The following TAF4 variants were observed in gnomAD, a reference collection of about 807,000 sequenced individuals.
TAF4 encodes the protein TATA-box binding protein associated factor 4.
Under a neutral mutation model 90.3 loss-of-function variants are expected in TAF4, and 9 were observed. The observed-to-expected ratio is 0.10, with a 90% confidence interval of 0.06 to 0.17. The LOEUF is 0.17. Among genes scored for constraint, TAF4 ranks in the 10% least tolerant of loss-of-function variants. TAF4 has a pLI of 1.00. For missense variants in TAF4, 1,351 were observed against 1,370.7 expected, an observed-to-expected ratio of 0.99 and a Z score of 0.23; for synonymous variants, 818 against 638.9, an observed-to-expected ratio of 1.28 and a Z score of -4.23.
chr20:62,056,727 A>G (rs535375784), intron 1 of TAF4, among the ~76,000 whole-genome samples: 1 of 152,332 alleles, frequency 6.6e-6, no homozygotes, highest in East Asian at 1.9e-4. Context: ...CCGAAATTTT[A>G]GCAGTCTGGG....
intron 1 of TAF4, among the ~76,000 whole-genome samples, chr20:62,053,001 A>G (rs1016725434): frequency 6.6e-6 from 1 of 152,088 alleles, no homozygotes; most frequent in Non-Finnish European, 1.5e-5. Flanking sequence ...CCAGGTCTCC[A>G]GGGCTGGAAC....
At chr20:62,059,476 G>C (rs186578261) in intron 1 of TAF4, among the ~76,000 whole-genome samples, 38 of 152,118 alleles carry the variant, frequency 2.5e-4, no homozygotes, top group Non-Finnish European at 1.2e-4. Context: ...GCAAGAATTG[G>C]AAAGAACAGC....
In TAF4 at chr20:61,998,964, GC is replaced by G. The variant is rs751423214; in HGVS notation, c.2913+18del. The G allele has an allele frequency of 2.5e-6, 4 of 1,611,332 alleles. No homozygotes were observed. In the African/African-American group the frequency reaches 5.3e-5, roughly 22 times the overall value. ...AGACGGAGGTGCCCAGACGGCAGCA[GC>G]AGACACCCAGCACTCGCCTTTGCTG... On this transcript the variant is annotated intron_variant, in intron 12 of 14. Transcript: ENST00000252996.
At chr20:62,050,781 CT>C (rs1291713600) in intron 1 of TAF4, among the ~76,000 whole-genome samples, 2 of 152,106 alleles carry the variant, frequency 1.3e-5, no homozygotes, top group African/African-American at 4.8e-5. Flanking sequence ...CAGAAAGGAC[CT>C]CTGCCGAGGA....
intron 1 of TAF4, among the ~76,000 whole-genome samples, chr20:62,024,519 C>A (rs553771904): frequency 6.6e-6 from 1 of 152,188 alleles, no homozygotes; most frequent in Non-Finnish European, 1.5e-5. Flanking sequence ...TAGAAAGCAT[C>A]CATCTAATAA....
chr20:62,020,823 T>C (rs958230475), intron 1 of TAF4, among the ~76,000 whole-genome samples: 2 of 148,736 alleles, frequency 1.3e-5, no homozygotes, highest in African/African-American at 5.0e-5. Context: ...AAAAAGAGAG[T>C]GGAAACTTGG....
chr20:62,031,183 T>C (rs2055902243), intron 1 of TAF4, among the ~76,000 whole-genome samples: 1 of 152,158 alleles, frequency 6.6e-6, no homozygotes, highest in African/African-American at 2.4e-5. Context: ...CCCACAAGCC[T>C]CATGTGACTT....
At chr20:62,061,331 C>T (rs2056087616) in intron 1 of TAF4, among the ~76,000 whole-genome samples, 1 of 152,246 alleles carries the variant, frequency 6.6e-6, no homozygotes, top group Non-Finnish European at 1.5e-5. Context: ...CACAGACACA[C>T]ATTCACCTGG....
chr20:62,021,889 G>C (rs975221896), intron 1 of TAF4, among the ~76,000 whole-genome samples: 2 of 152,172 alleles, frequency 1.3e-5, no homozygotes, highest in African/African-American at 4.8e-5. Context: ...CGACAGAGAG[G>C]CACTGTGTGC....
intron 14 of TAF4, among the ~76,000 whole-genome samples, chr20:61,983,742 G>A (rs1269244431): frequency 6.6e-6 from 1 of 152,144 alleles, no homozygotes; most frequent in Non-Finnish European, 1.5e-5. Context: ...ATCAATAAAG[G>A]TAAATGGGCT....
At position 62,032,312 on chromosome 20, in the gene TAF4, G is replaced by A. The variant is rs371220909; in HGVS notation, c.1361-17605C>T. On this transcript the variant is annotated intron_variant, in intron 1 of 14. Coordinates refer to ENST00000252996, the MANE Select transcript of TAF4 (RefSeq NM_003185.4). Reference sequence around the variant, plus strand: ...CATCTCAGCAGTTTCTGTGTCCCCTGATGGGCCAGGACACAGGACTTCTCT... The same window carrying A: ...CATCTCAGCAGTTTCTGTGTCCCCTAATGGGCCAGGACACAGGACTTCTCT... 2.6e-5 allele frequency among the ~76,000 whole-genome samples: 4 copies of A among 152,334 alleles called. No individual in the cohort carries two copies. In the South Asian group the frequency reaches 8.3e-4, roughly 32 times the overall value.
intron 1 of TAF4, among the ~76,000 whole-genome samples, chr20:62,044,218 T>C (rs544165791): frequency 2.2e-4 from 34 of 152,370 alleles, no homozygotes; most frequent in Admixed American, 1.5e-3. Flanking sequence ...CTGAGTGTAC[T>C]ACACATAAAA....
intron 1 of TAF4, among the ~76,000 whole-genome samples, chr20:62,028,645 A>G (rs1260393246): frequency 1.3e-5 from 2 of 152,210 alleles, no homozygotes; most frequent in Non-Finnish European, 2.9e-5. Flanking sequence ...GTGTCTGTCA[A>G]GCCACAGCCT....
At position 62,007,539 on chromosome 20, in the gene TAF4, G is replaced by C. The variant is rs951303511; in HGVS notation, c.1974+8C>G. 6.2e-7 allele frequency: 1 copy of C among 1,613,558 alleles called. No homozygotes were observed. ...ACTGCTCGCAGGCACCGGGGCCTTT[G>C]AAATTACCTTCAGGAAAGGCACAAG... On this transcript the variant is annotated splice_region_variant and intron_variant, in intron 6 of 14. Transcript: ENST00000252996.
intron 1 of TAF4, among the ~76,000 whole-genome samples, chr20:62,060,209 CG>C (rs557926412): frequency 2.6e-5 from 4 of 152,336 alleles, no homozygotes; most frequent in African/African-American, 9.6e-5. Flanking sequence ...CCCAGGCGCC[CG>C]GGGCCTGCCT....
At chr20:62,044,668 T>C (rs923126497) in intron 1 of TAF4, among the ~76,000 whole-genome samples, 4 of 152,224 alleles carry the variant, frequency 2.6e-5, no homozygotes, top group African/African-American at 7.2e-5. Context: ...TAAGTAAATA[T>C]GTTTATGTTA....
chr20:61,983,303 A>C (rs1392599182), intron 14 of TAF4, among the ~76,000 whole-genome samples: 2 of 152,152 alleles, frequency 1.3e-5, no homozygotes, highest in African/African-American at 4.8e-5. Context: ...AAAAAAAAAA[A>C]AAAAATCAAT....
chr20:62,014,610 G>A lies in TAF4; in HGVS notation c.1458C>T (p.Thr486=). ...MQAQAHAQPQ[T]TMAPRPATPT... is the part of the protein sequence containing the mutation. Reference sequence around the variant, plus strand: ...GGGTGGCAGGGCGAGGCGCCATGGTGGTCTGAGGCTGGGCATGGGCCTGCG... The same window carrying A: ...GGGTGGCAGGGCGAGGCGCCATGGTAGTCTGAGGCTGGGCATGGGCCTGCG... The change falls in exon 2 of 15, where the codon ACC becomes ACT. Residue 486 remains threonine (T), a synonymous_variant. Coordinates refer to ENST00000252996, the MANE Select transcript of TAF4 (RefSeq NM_003185.4). 1.2e-6 allele frequency: 2 copies of A among 1,614,098 alleles called. No homozygotes were observed. The highest frequency in any genetic ancestry group is 1.7e-6 in the Non-Finnish European group (2 of 1,179,996).
At chr20:62,022,188 C>A (rs922183981) in intron 1 of TAF4, among the ~76,000 whole-genome samples, 2 of 152,160 alleles carry the variant, frequency 1.3e-5, no homozygotes, top group Non-Finnish European at 2.9e-5. Context: ...GGTGGGCCTG[C>A]GATGGTTTCT....
Sources: gnomAD v4.1 joint callset for allele counts (sites outside exome capture counted in the v4.1 genomes callset) on GRCh38, gnomAD v4.1.1 for gene constraint, MANE v1.5 for transcripts, NCBI Gene and HGNC (gene_info 2026-07-23, HGNC 2026-07-21) for gene names.